Variants in AGT observed in about 807,000 individuals in gnomAD.
AGT encodes the protein angiotensinogen.
In AGT, 26 loss-of-function variants were observed where a neutral mutation model predicts 28.1. The observed-to-expected ratio is 0.92, with a 90% CI of 0.68 to 1.28. AGT has a LOEUF of 1.28. AGT is among the 50% of genes most tolerant of loss of function. The pLI, the probability that AGT is intolerant of heterozygous loss-of-function variation, is 0.00. For missense variants in AGT, 596 were observed against 592.3 expected (o/e 1.01, Z -0.06); for synonymous variants, 259 against 259.6 (o/e 1.00, Z 0.02).
Position 230,744,935 on chromosome 1 carries a change from C to T in AGT, c.-31+580G>A, listed in dbSNP as rs2102809858. Among the ~76,000 whole-genome samples the T allele has an allele frequency of 1.3e-5, 2 of 152,288 alleles. 1 individual carries two copies. The highest frequency in any genetic ancestry group is 4.1e-4 in the South Asian group (2 of 4,828). ...GGTAATCATTTCCCTGCCGAGGTGT[C>T]ACCAGAAATGGATGGCCCTCACATT... On this transcript the variant is annotated intron_variant, in intron 1 of 4. Coordinates refer to the AGT transcript ENST00000681269.
intron 1 of AGT, among the ~76,000 whole-genome samples, chr1:230,730,681 G>T (rs542455918): frequency 6.6e-6 from 1 of 152,238 alleles, no homozygotes; most frequent in South Asian, 2.1e-4. Context: ...ACACTTTCTG[G>T]TTTAATGTTT....
Position 230,703,052 on chromosome 1 carries a change from TTTGTCCGGG to T in AGT, c.*80_*88del. 6.9e-7 allele frequency: 1 copy of T among 1,441,692 alleles called. No individual in the cohort carries two copies. Among genetic ancestry groups the T allele is most frequent in the Non-Finnish European group, 9.6e-7 (1 of 1,044,224 alleles). 89.3% of individuals were successfully genotyped at this position (1,441,692 alleles called of 1,614,324 possible). On this transcript the variant is annotated 3_prime_UTR_variant, in exon 5 of 5. Coordinates refer to ENST00000366667, the MANE Select transcript of AGT (RefSeq NM_001384479.1). ...GAGACTGGGGGTGACACATCGCTGA[TTTGTCCGGG>T]GTTGTTATCTGCTGCTGGCCTTTGC...
intron 3 of AGT, among the ~76,000 whole-genome samples, chr1:230,704,542 G>T (rs1157492514): frequency 6.6e-6 from 1 of 152,258 alleles, no homozygotes; most frequent in African/African-American, 2.4e-5. Flanking sequence ...GCAATACTAT[G>T]TGAGGGACAT....
chr1:230,730,705 G>C (rs1469773931), intron 1 of AGT, among the ~76,000 whole-genome samples: 1 of 152,178 alleles, frequency 6.6e-6, no homozygotes, highest in East Asian at 1.9e-4. Flanking sequence ...TCAATAATGA[G>C]AGTGTTTTCT....
At chr1:230,721,992 G>C (rs929947115) in intron 1 of AGT, among the ~76,000 whole-genome samples, 1 of 151,886 alleles carries the variant, frequency 6.6e-6, no homozygotes, top group African/African-American at 2.4e-5. Context: ...TCCAGGGCAT[G>C]TCAGAGACCT....
chr1:230,717,980 T>C (rs1663770374), upstream of AGT, among the ~76,000 whole-genome samples: 2 of 152,200 alleles, frequency 1.3e-5, no homozygotes, highest in Admixed American at 6.5e-5. Context: ...TGTGTTGTTT[T>C]AGAGTTGGGG....
chr1:230,725,176 G>T (rs1172587165), intron 1 of AGT, among the ~76,000 whole-genome samples: 1 of 152,154 alleles, frequency 6.6e-6, no homozygotes, highest in African/African-American at 2.4e-5. Context: ...TGGTTTAATG[G>T]ATTTTATTCC....
intron 1 of AGT, among the ~76,000 whole-genome samples, chr1:230,742,264 T>G (rs1378622673): frequency 6.6e-6 from 1 of 152,180 alleles, no homozygotes; most frequent in Non-Finnish European, 1.5e-5. Context: ...TTTGCCTTCT[T>G]TCTCCACAAA....
intron 4 of AGT, 119 bp downstream of exon 4, chr1:230,704,074 C>A (rs1406631600): frequency 6.7e-7 from 1 of 1,498,066 alleles, no homozygotes; most frequent in African/African-American, 1.4e-5. Flanking sequence ...GCCCTACTCT[C>A]CGCTCCCTCT....
At chr1:230,706,226 G>A in intron 2 of AGT, 26 bp from the exon 3 acceptor site, 1 of 1,610,630 alleles carries the variant, frequency 6.2e-7, no homozygotes, top group African/African-American at 1.3e-5. Flanking sequence ...GAGACAGGGA[G>A]GGAAGAGTCA....
Position 230,706,009 on chromosome 1 carries a change from C to A in AGT, c.1021G>T (p.Ala341Ser). The A allele has an allele frequency of 6.2e-7, 1 of 1,614,148 alleles. No homozygotes were observed. Among genetic ancestry groups the A allele is most frequent in the Non-Finnish European group, 8.5e-7 (1 of 1,180,014 alleles). ...CCCTCCACCTTGTCCAGGTCAGAGG[C>A]ATAGTGAGGCTGGATCAGCAGCAGG... ...ACLLLIQPHY[A>S]SDLDKVEGLT... The change falls in exon 3 of 5, where the codon GCC becomes TCC. Residue 341 changes from alanine (A) to serine (S), a missense_variant. Ala to Ser is a moderately conservative substitution (Grantham distance 99). Transcript: ENST00000366667.
intron 1 of AGT, among the ~76,000 whole-genome samples, chr1:230,740,470 A>G (rs1664228301): frequency 6.6e-6 from 1 of 152,178 alleles, no homozygotes; most frequent in Non-Finnish European, 1.5e-5. Flanking sequence ...AACACCTCTG[A>G]CAAACCTTAC....
Position 230,702,873 on chromosome 1 carries a change from C to T in AGT, c.*268G>A. The T allele has an allele frequency of 2.0e-6, 1 of 503,230 alleles. No homozygotes were observed. The highest frequency in any genetic ancestry group is 3.6e-6 in the Non-Finnish European group (1 of 279,814). 31.2% of individuals were successfully genotyped at this position (503,230 alleles called of 1,614,324 possible). ...GTCCCGCGCTAAACACTGGTTCTTG[C>T]CTCCCCACCCCCATTCTCTAAAATA... On this transcript the variant is annotated 3_prime_UTR_variant, in exon 5 of 5. Coordinates refer to ENST00000366667, the MANE Select transcript of AGT (RefSeq NM_001384479.1).
At chr1:230,728,061 G>A (rs1322297350) in intron 1 of AGT, among the ~76,000 whole-genome samples, 3 of 152,166 alleles carry the variant, frequency 2.0e-5, no homozygotes, top group Non-Finnish European at 4.4e-5. Flanking sequence ...GGTTGGAGAT[G>A]CAATCATAGG....
At chr1:230,717,390 C>T (rs937651489), upstream of AGT, among the ~76,000 whole-genome samples, 1 of 152,094 alleles carries the variant, frequency 6.6e-6, no homozygotes, top group Non-Finnish European at 1.5e-5. Context: ...CACATAAACT[C>T]CTCTCTCCAG....
At chr1:230,708,804 C>T (rs1286459391) in intron 2 of AGT, among the ~76,000 whole-genome samples, 1 of 152,204 alleles carries the variant, frequency 6.6e-6, no homozygotes, top group Non-Finnish European at 1.5e-5. Context: ...CTCCCTGCCT[C>T]CAGTCTGCAC....
intron 1 of AGT, among the ~76,000 whole-genome samples, chr1:230,737,822 ACAGT>A (rs1395100146): frequency 1.3e-5 from 2 of 152,310 alleles, no homozygotes; most frequent in South Asian, 2.1e-4. Context: ...AACCACCACC[ACAGT>A]CAATTTTAGA....
At chr1:230,713,215 G>A (rs181816926) in intron 1 of AGT, among the ~76,000 whole-genome samples, 50 of 152,280 alleles carry the variant, frequency 3.3e-4, no homozygotes, top group African/African-American at 1.1e-3. Context: ...TGTGAGCCCC[G>A]GAACAGGGTT....
chr1:230,706,168 GC>G lies in AGT; in HGVS notation c.861del (p.Glu287AspfsTer36). 1.2e-6 allele frequency: 2 copies of G among 1,613,850 alleles called. No individual in the cohort carries two copies. The highest frequency in any genetic ancestry group is 1.7e-6 in the Non-Finnish European group (2 of 1,179,798). On this transcript the variant is annotated frameshift_variant, in exon 3 of 5. Transcript: ENST00000366667. LOFTEE classifies it high-confidence loss of function. ...CTGTTGTCCACCCAGAACTCCTGGG[GC>G]TCGGCCAGCAGGGAGAAGCCCTTCA... ...GKMKGFSLLA[E>X]PQEFWVDNST...
Sources: gnomAD v4.1 joint callset for allele counts (sites outside exome capture counted in the v4.1 genomes callset) on GRCh38, gnomAD v4.1.1 for gene constraint, MANE v1.5 for transcripts, NCBI Gene and HGNC (gene_info 2026-07-23, HGNC 2026-07-21) for gene names.